Variants in FANCD2 observed in about 807,000 individuals in gnomAD.
FANCD2 encodes Fanconi anemia group D2 protein.
In FANCD2, 131 loss-of-function variants were observed where a neutral mutation model predicts 192.3. The ratio of observed to expected loss-of-function variants is 0.68; its 90% CI spans 0.59 to 0.79. The LOEUF (loss-of-function observed/expected upper bound fraction) is 0.79, where lower values mean the gene tolerates loss of function less well. Among genes scored for constraint, FANCD2 ranks in the 30% least tolerant of loss-of-function variants. The pLI, the probability that FANCD2 is intolerant of heterozygous loss-of-function variation, is 0.00. For missense variants in FANCD2, 1,508 were observed against 1,701.6 expected (o/e 0.89, Z 2.00); for synonymous variants, 524 against 612.5 (o/e 0.86, Z 2.13).
intron 2 of FANCD2, among the ~76,000 whole-genome samples, chr3:10,031,511 A>G (rs2086602690): frequency 1.3e-5 from 2 of 152,066 alleles, no homozygotes. Flanking sequence ...CAAAAAAAAA[A>G]AAAAAAGAAA....
chr3:10,094,615 A>G (rs945823597), intron 40 of FANCD2, among the ~76,000 whole-genome samples: 1 of 151,504 alleles, frequency 6.6e-6, no homozygotes. Context: ...GCTTGATTTT[A>G]TTGTGCTACT....
At chr3:10,041,037 T>TA (rs2086851660) in intron 9 of FANCD2, 1 of 164,580 alleles carries the variant, frequency 6.1e-6, no homozygotes, top group Non-Finnish European at 1.3e-5. Flanking sequence ...TTCAAAAACA[T>TA]ACAAAAATTA....
At chr3:10,032,480 G>A (rs540159894) in intron 2 of FANCD2, 3 of 283,286 alleles carry the variant, frequency 1.1e-5, no homozygotes, top group Admixed American at 5.4e-5. Context: ...GGGGGTGAAG[G>A]GGGGGAGATG....
intron 34 of FANCD2, 38 bp from the exon 35 acceptor site, chr3:10,088,411 T>G (rs1266384847): frequency 2.5e-6 from 3 of 1,214,666 alleles, no homozygotes; most frequent in Middle Eastern, 1.9e-4. Flanking sequence ...GAGGTCAAGT[T>G]CCCATATGTA....
At chr3:10,083,887 CAA>C (rs1301118343) in intron 32 of FANCD2, among the ~76,000 whole-genome samples, 7 of 43,828 alleles carry the variant, frequency 1.6e-4, no homozygotes, top group Admixed American at 2.4e-4. Context: ...GACTCCGTCT[CAA>C]AAAAAAAAAA....
chr3:10,059,430 ATAT>A (rs1008489089), intron 18 of FANCD2, among the ~76,000 whole-genome samples: 45 of 152,328 alleles, frequency 3.0e-4, no homozygotes, highest in Admixed American at 2.7e-3. Context: ...ACAATAAAAG[ATAT>A]TATTATTGAA....
chr3:10,057,092 G>A (rs1436613932), intron 18 of FANCD2, among the ~76,000 whole-genome samples: 1 of 152,152 alleles, frequency 6.6e-6, no homozygotes, highest in Non-Finnish European at 1.5e-5. Context: ...TTGAGCTCAG[G>A]AGATCCACCC....
chr3:10,027,614 A>C (rs573927933), intron 1 of FANCD2, among the ~76,000 whole-genome samples: 22 of 152,060 alleles, frequency 1.4e-4, no homozygotes, highest in Admixed American at 4.6e-4. Context: ...CCTAAAAATC[A>C]CTTCTTCAGG....
At chr3:10,072,335 G>C (rs1232723763) in intron 26 of FANCD2, among the ~76,000 whole-genome samples, 1 of 149,938 alleles carries the variant, frequency 6.7e-6, no homozygotes. Flanking sequence ...CTGGAGTGTG[G>C]TGGTGCGATC....
At chr3:10,071,147 GAAA>G (rs796952061) in intron 26 of FANCD2, among the ~76,000 whole-genome samples, 31 of 127,934 alleles carry the variant, frequency 2.4e-4, no homozygotes, top group Admixed American at 3.9e-4. Context: ...AAGAAAAAAA[GAAA>G]AAAAAAAAAA....
intron 21 of FANCD2, among the ~76,000 whole-genome samples, chr3:10,064,146 A>C (rs186528371): frequency 3.9e-5 from 6 of 152,224 alleles, no homozygotes; most frequent in Admixed American, 3.9e-4. Context: ...GATGGCTATT[A>C]TCTGTCTGAG....
At chr3:10,042,089 G>A (rs1246959744) in intron 10 of FANCD2, among the ~76,000 whole-genome samples, 5 of 151,870 alleles carry the variant, frequency 3.3e-5, no homozygotes, top group African/African-American at 4.8e-5. Context: ...GTAGAGACGG[G>A]GTTTCACCAT....
chr3:10,044,696 C>T (rs1327137182), intron 14 of FANCD2, among the ~76,000 whole-genome samples: 1 of 151,958 alleles, frequency 6.6e-6, no homozygotes. Flanking sequence ...TTTTGTTATC[C>T]AATTTTGGGA....
chr3:10,049,494 G>A lies in FANCD2; in HGVS notation c.1534G>A (p.Val512Ile), dbSNP rs749868748. Reference sequence around the variant, plus strand: ...CCCATCTGCTATGATGATGAATGCTGTCTTTGTAAAGGTATCTTATTGGCT... The same window carrying A: ...CCCATCTGCTATGATGATGAATGCTATCTTTGTAAAGGTATCTTATTGGCT... ...LNPSAMMMNAVFVKGILDYLD... is the reference protein window; with the variant it reads ...LNPSAMMMNAIFVKGILDYLD... Residue 512 changes from valine (V) to isoleucine (I), a missense_variant, in exon 17 of 44, where the codon GTC (valine) becomes ATC (isoleucine). Around this residue, in one of 5 missense-constraint regions of FANCD2, gnomAD observed 108 missense variants for 174.1 expected, o/e 0.62. Coordinates refer to ENST00000675286, the MANE Select transcript of FANCD2 (RefSeq NM_001018115.3). The A allele has an allele frequency of 1.2e-6, 2 of 1,602,312 alleles. No individual in the cohort carries two copies. Among genetic ancestry groups the A allele is most frequent in the African/African-American group, 2.7e-5 (2 of 73,836 alleles).
intron 41 of FANCD2, 41 bp from the exon 42 acceptor site, chr3:10,096,285 G>A (rs751157372): frequency 2.1e-5 from 34 of 1,608,800 alleles, no homozygotes; most frequent in Non-Finnish European, 2.9e-5. Context: ...AAGGCATGAT[G>A]ATAAACTCAC....
In FANCD2 at chr3:10,081,184, AC is replaced by A; in HGVS notation, c.3065del (p.Pro1022GlnfsTer16). 1 of 1,614,190 alleles carries A rather than the reference AC, an allele frequency of 6.2e-7. No homozygotes were observed. The highest frequency in any genetic ancestry group is 1.1e-5 in the South Asian group (1 of 91,082). ...EIVHCVFQLLTPMCNHLENIH... is the reference protein window; with the variant it reads ...EIVHCVFQLLXPMCNHLENIH... ...TGTTCATTGTGTTTTTCAACTGCTG[AC>A]CCCAATGTGTAACCACCTGGAGAAC... is the stretch of plus-strand genomic sequence containing the variant. On this transcript the variant is annotated frameshift_variant, in exon 31 of 44. Transcript: ENST00000675286. LOFTEE classifies it high-confidence loss of function.
chr3:10,100,580 C>T (rs60393040), intron 43 of FANCD2, among the ~76,000 whole-genome samples: 8 of 152,284 alleles, frequency 5.3e-5, no homozygotes, highest in South Asian at 2.1e-4. Flanking sequence ...CCATGTTGGC[C>T]GGGCTGGTCT....
At chr3:10,063,317 G>GTCCC (rs1207940013) in intron 20 of FANCD2, among the ~76,000 whole-genome samples, 11 of 152,178 alleles carry the variant, frequency 7.2e-5, no homozygotes, top group Admixed American at 7.2e-4. Flanking sequence ...GGCGCCTGTA[G>GTCCC]TCCCAGCTAC....
In FANCD2 at chr3:10,066,704, A is replaced by G. The variant is rs145703665; in HGVS notation, c.2386-505A>G. Among the ~76,000 whole-genome samples, 669 of 152,250 alleles carry G rather than the reference A, an allele frequency of 4.4e-3. 8 individuals are homozygous for G. Among genetic ancestry groups the G allele is most frequent in the Non-Finnish European group, 7.4e-3 (502 of 68,004 alleles). ...AACATAACTAGTAATAAGTAAAACTAGGGTCACAAGCCTAATCTCCTTTGT... is the reference window on the plus strand; with the variant it reads ...AACATAACTAGTAATAAGTAAAACTGGGGTCACAAGCCTAATCTCCTTTGT... On this transcript the variant is annotated intron_variant, in intron 25 of 43. Transcript: ENST00000675286.
Sources: gnomAD v4.1 joint callset for allele counts (sites outside exome capture counted in the v4.1 genomes callset) on GRCh38, gnomAD v4.1.1 for gene constraint, gnomAD v4.1.1 regional missense constraint, MANE v1.5 for transcripts, NCBI Gene and HGNC (gene_info 2026-07-23, HGNC 2026-07-21) for gene names.